The following CD2AP variants were observed in gnomAD, a reference collection of about 807,000 sequenced individuals.
CD2AP encodes CD2 associated protein, also known as CD2-associated protein.
A neutral mutation model predicts 85.1 loss-of-function variants in CD2AP; 46 were observed. The observed-to-expected ratio is 0.54, with a 90% CI of 0.43 to 0.69. The LOEUF (loss-of-function observed/expected upper bound fraction) is 0.69. CD2AP is among the 30% of genes least tolerant of loss of function. The probability of loss-of-function intolerance (pLI) is 0.00; values close to 1 mark genes in which losing one functional copy is unlikely to be tolerated. For missense variants in CD2AP, 769 were observed against 729.5 expected, an observed-to-expected ratio of 1.05 and a Z score of -0.62; for synonymous variants, 255 against 252.9, an observed-to-expected ratio of 1.01 and a Z score of -0.08.
intron 2 of CD2AP, among the ~76,000 whole-genome samples, chr6:47,518,654 G>A (rs1159177622): frequency 6.6e-6 from 1 of 152,172 alleles, no homozygotes; most frequent in East Asian, 1.9e-4. Context: ...TTTCTTTTGA[G>A]TAATACTTGG....
At chr6:47,612,437 C>A in intron 16 of CD2AP, 36 bp from the exon 17 acceptor site, 1 of 1,397,642 alleles carries the variant, frequency 7.2e-7, no homozygotes, top group South Asian at 1.2e-5. Context: ...ATTATTTAAT[C>A]GAAAGACTTA....
chr6:47,493,498 C>T (rs998297386), intron 1 of CD2AP, among the ~76,000 whole-genome samples: 2 of 151,832 alleles, frequency 1.3e-5, no homozygotes, highest in African/African-American at 4.8e-5. Flanking sequence ...AAGATTTTCT[C>T]TGCCTTTGAT....
At position 47,598,133 on chromosome 6, in the gene CD2AP, A is replaced by G. The variant is rs1369123114; in HGVS notation, c.1275-1168A>G. Among the ~76,000 whole-genome samples, 5 of 151,190 alleles carry G rather than the reference A, an allele frequency of 3.3e-5. 1 individual carries two copies. Among genetic ancestry groups the G allele is most frequent in the East Asian group, 1.9e-4 (1 of 5,184 alleles). On this transcript the variant is annotated intron_variant, in intron 12 of 17. Coordinates refer to ENST00000359314, the MANE Select transcript of CD2AP (RefSeq NM_012120.3). ...TCAAAAGAAGATATACAAATGGCCA[A>G]CAAGCATATGGAAAAATGCTCAAAG... is the stretch of plus-strand genomic sequence containing the variant.
intron 3 of CD2AP, among the ~76,000 whole-genome samples, chr6:47,538,057 T>A (rs1365986768): frequency 6.6e-6 from 1 of 151,384 alleles, no homozygotes; most frequent in African/African-American, 2.4e-5. Flanking sequence ...GGCAAGAAAA[T>A]TTTTTAAAAA....
chr6:47,584,965 T>A (rs1240675752), intron 11 of CD2AP, among the ~76,000 whole-genome samples: 3 of 152,040 alleles, frequency 2.0e-5, no homozygotes, highest in Admixed American at 2.0e-4. Flanking sequence ...GATAGTGACT[T>A]CCCCTTTTCC....
chr6:47,560,751 T>C (rs1767837751), intron 5 of CD2AP, among the ~76,000 whole-genome samples: 1 of 152,194 alleles, frequency 6.6e-6, no homozygotes, highest in African/African-American at 2.4e-5. Context: ...ACTGTACTTT[T>C]ACTGTTTTTC....
At chr6:47,517,994 T>A (rs1173863878) in intron 2 of CD2AP, among the ~76,000 whole-genome samples, 1 of 152,202 alleles carries the variant, frequency 6.6e-6, no homozygotes, top group South Asian at 2.1e-4. Context: ...ATAGAAAATG[T>A]CAGTTTATCC....
intron 17 of CD2AP, among the ~76,000 whole-genome samples, chr6:47,613,537 C>G (rs939590409): frequency 3.3e-5 from 5 of 151,202 alleles, no homozygotes; most frequent in Non-Finnish European, 7.4e-5. Context: ...CAGTAGGTCT[C>G]CACTGTGGGC....
chr6:47,585,153 A>C (rs79965783), intron 11 of CD2AP, among the ~76,000 whole-genome samples: 11 of 151,344 alleles, frequency 7.3e-5, no homozygotes, highest in Non-Finnish European at 1.5e-4. Context: ...AAAAAAAAAA[A>C]CCAGCTGGGT....
At chr6:47,601,274 T>C (rs1485787) in intron 13 of CD2AP, among the ~76,000 whole-genome samples, 132,742 of 151,794 alleles carry the variant, frequency 0.87, 58,352 homozygotes, top group Non-Finnish European at 0.92. Flanking sequence ...TGGAACAGGG[T>C]GTGAAAACAT....
chr6:47,478,703 A>G (rs1765371412), intron 1 of CD2AP, among the ~76,000 whole-genome samples: 1 of 152,102 alleles, frequency 6.6e-6, no homozygotes, highest in Admixed American at 6.5e-5. Context: ...GTTTAAGGAG[A>G]GAGATAAATT....
In CD2AP at chr6:47,624,977, A is replaced by C. The variant is rs1769872430; in HGVS notation, c.*750A>C. 6.6e-6 allele frequency: 1 copy of C among 151,940 alleles called. No homozygotes were observed. Among genetic ancestry groups the C allele is most frequent in the Non-Finnish European group, 1.5e-5 (1 of 67,844 alleles). 9.4% of individuals were successfully genotyped at this position (151,940 alleles called of 1,614,324 possible). A position where few individuals can be genotyped will look rare whatever the true frequency, so the allele number is the denominator to read the frequency against. On this transcript the variant is annotated 3_prime_UTR_variant, in exon 18 of 18. Transcript: ENST00000359314. The stretch of plus-strand genomic sequence containing the variant: ...TAGTTAAAATATGTTGGATTGTTAA[A>C]CATTTGGGGAAATATGAACTGTATT...
chr6:47,518,618 C>G (rs1766510363), intron 2 of CD2AP, among the ~76,000 whole-genome samples: 1 of 152,136 alleles, frequency 6.6e-6, no homozygotes, highest in African/African-American at 2.4e-5. Flanking sequence ...ATGATATATG[C>G]CTCTTTGTGT....
At chr6:47,499,390 C>T (rs1243995373) in intron 1 of CD2AP, among the ~76,000 whole-genome samples, 2 of 151,932 alleles carry the variant, frequency 1.3e-5, no homozygotes, top group African/African-American at 2.4e-5. Flanking sequence ...CTCCATGTTA[C>T]GTATTGAAAA....
At chr6:47,534,884 T>G (rs1766985865) in intron 3 of CD2AP, among the ~76,000 whole-genome samples, 1 of 149,538 alleles carries the variant, frequency 6.7e-6, no homozygotes, top group South Asian at 2.2e-4. Context: ...GGCCTTGACC[T>G]CCCAGGCTCA....
chr6:47,492,680 A>G (rs1259562719), intron 1 of CD2AP, among the ~76,000 whole-genome samples: 1 of 152,120 alleles, frequency 6.6e-6, no homozygotes, highest in Non-Finnish European at 1.5e-5. Context: ...TAATAAATGT[A>G]AGGTCTGTAG....
intron 17 of CD2AP, among the ~76,000 whole-genome samples, chr6:47,615,221 G>T (rs1175299222): frequency 1.3e-5 from 2 of 152,140 alleles, no homozygotes; most frequent in Admixed American, 1.3e-4. Flanking sequence ...CTGTGTATTA[G>T]TTAGGCTTAG....
At position 47,503,426 on chromosome 6, in the gene CD2AP, G is replaced by A. The variant is rs1766050135; in HGVS notation, c.151G>A (p.Asp51Asn). The change falls in exon 2 of 18, where the codon GAC (aspartate) becomes AAC (asparagine). Residue 51 changes from aspartate (D) to asparagine (N), a missense_variant. Asp to Asn is a conservative substitution (Grantham distance 23). Transcript: ENST00000359314. ...ELNGRRGMFP[D>N]NFVKEIKRET... ...AAATGGGAGAAGAGGAATGTTCCCT[G>A]ACAATTTCGTTAAGGTAAGTATTTT... The A allele has an allele frequency of 6.2e-7, 1 of 1,613,728 alleles. No homozygotes were observed.
intron 1 of CD2AP, among the ~76,000 whole-genome samples, chr6:47,501,348 T>A (rs1326925315): frequency 2.0e-5 from 3 of 152,256 alleles, no homozygotes; most frequent in East Asian, 1.9e-4. Flanking sequence ...TTTGCCTCTT[T>A]GGCAGTTAGA....
Sources: gnomAD v4.1 joint callset for allele counts (sites outside exome capture counted in the v4.1 genomes callset) on GRCh38, gnomAD v4.1.1 for gene constraint, MANE v1.5 for transcripts, NCBI Gene and HGNC (gene_info 2026-07-23, HGNC 2026-07-21) for gene names.